ARL15: variants seen among roughly 807,000 people sequenced by gnomAD.
ARL15 encodes the protein ARF like GTPase 15.
Under a neutral mutation model 25.2 loss-of-function variants are expected in ARL15, and 19 were observed. The ratio of observed to expected loss-of-function variants is 0.75; its 90% CI spans 0.53 to 1.10. ARL15 has a LOEUF of 1.10. Ranked by LOEUF, ARL15 falls within the 50% of genes least tolerant of loss-of-function variation. The pLI, the probability that ARL15 is intolerant of heterozygous loss-of-function variation, is 0.00. For synonymous variants in ARL15, 94 were observed against 86.8 expected (o/e 1.08, Z -0.46); for missense variants, 220 against 246.0 (o/e 0.89, Z 0.71).
intron 4 of ARL15, among the ~76,000 whole-genome samples, chr5:53,986,267 T>C (rs1409601574): frequency 1.3e-5 from 2 of 152,150 alleles, no homozygotes; most frequent in African/African-American, 4.8e-5. Context: ...CAGGCAAGAT[T>C]TTAGAACAAA....
intron 2 of ARL15, among the ~76,000 whole-genome samples, chr5:54,162,417 A>T (rs1275953070): frequency 6.6e-6 from 1 of 152,102 alleles, no homozygotes; most frequent in Non-Finnish European, 1.5e-5. Context: ...ATTTCCCTGC[A>T]CATTTTTTCT....
chr5:54,279,092 A>G (rs1757990831), intron 1 of ARL15, among the ~76,000 whole-genome samples: 1 of 152,216 alleles, frequency 6.6e-6, no homozygotes, highest in Admixed American at 6.5e-5. Flanking sequence ...CAGCTCAACA[A>G]TCTAACACTA....
intron 4 of ARL15, among the ~76,000 whole-genome samples, chr5:54,025,436 T>C (rs150271961): frequency 2.4e-4 from 36 of 152,316 alleles, no homozygotes; most frequent in African/African-American, 8.4e-4. Flanking sequence ...AATTGGAACC[T>C]TGAATATAAG....
chr5:54,090,860 G>T (rs184239855), intron 4 of ARL15, among the ~76,000 whole-genome samples: 1 of 151,936 alleles, frequency 6.6e-6, no homozygotes. Context: ...AACCACAAGG[G>T]GCTATAACAA....
At chr5:54,214,737 T>C (rs538270985) in intron 1 of ARL15, among the ~76,000 whole-genome samples, 52 of 152,266 alleles carry the variant, frequency 3.4e-4, no homozygotes, top group African/African-American at 1.3e-3. Context: ...ATTGAGAACT[T>C]AAGAAGGTTT....
At chr5:54,203,101 A>G (rs1755766986) in intron 1 of ARL15, among the ~76,000 whole-genome samples, 1 of 152,038 alleles carries the variant, frequency 6.6e-6, no homozygotes, top group Admixed American at 6.6e-5. Context: ...TTCTCCTCAC[A>G]ACTTGGCCTC....
chr5:54,052,214 C>T (rs1234133775), intron 4 of ARL15, among the ~76,000 whole-genome samples: 2 of 151,896 alleles, frequency 1.3e-5, no homozygotes, highest in Admixed American at 6.6e-5. Flanking sequence ...AGATGTAAGA[C>T]ATTAAGTATT....
At chr5:54,250,382 A>G (rs1757208088) in intron 1 of ARL15, among the ~76,000 whole-genome samples, 1 of 152,210 alleles carries the variant, frequency 6.6e-6, no homozygotes, top group Non-Finnish European at 1.5e-5. Context: ...CTTCTGGCTA[A>G]GCAGGGAAAT....
At chr5:54,027,120 TTTAA>T (rs1250377547) in intron 4 of ARL15, among the ~76,000 whole-genome samples, 2 of 152,218 alleles carry the variant, frequency 1.3e-5, no homozygotes, top group Non-Finnish European at 2.9e-5. Flanking sequence ...TTTCTAAAAA[TTTAA>T]TTGACTGTCT....
Position 54,031,151 on chromosome 5 carries a change from C to T in ARL15, c.462+82051G>A, listed in dbSNP as rs549610353. Among the ~76,000 whole-genome samples the T allele has an allele frequency of 5.8e-4, 89 of 152,254 alleles. No homozygotes were observed. In the Middle Eastern group the frequency reaches 0.014, roughly 23 times the overall value. On this transcript the variant is annotated intron_variant, in intron 4 of 4. Transcript: ENST00000504924. ...AAAGATTTAAGCTTTATTATTGAGG[C>T]ACTCAAAATGAGAAAAAAGTTTGTG...
In ARL15 at chr5:54,148,195, A is replaced by G. The variant is rs1753965013; in HGVS notation, c.253+6385T>C. On this transcript the variant is annotated intron_variant, in intron 3 of 4. Coordinates refer to ENST00000504924, the MANE Select transcript of ARL15 (RefSeq NM_019087.3). ...GTGCCCCCTGGGTTGCCTGTCAAGA[A>G]GTGTGTCCTGTACAGTTTCTGGAGA... Among the ~76,000 whole-genome samples the G allele has an allele frequency of 4.6e-5, 7 of 152,334 alleles. No individual in the cohort carries two copies. In the South Asian group the frequency reaches 1.5e-3, roughly 32 times the overall value.
At chr5:54,279,244 A>G (rs1359764145) in intron 1 of ARL15, among the ~76,000 whole-genome samples, 1 of 120,442 alleles carries the variant, frequency 8.3e-6, no homozygotes. Flanking sequence ...TGTTATCTGC[A>G]ATTTACAAGA....
At chr5:54,048,564 T>G (rs1018492000) in intron 4 of ARL15, among the ~76,000 whole-genome samples, 1 of 128,654 alleles carries the variant, frequency 7.8e-6, no homozygotes, top group Non-Finnish European at 1.6e-5. Context: ...CCACCACACC[T>G]GGCTAATTTT....
chr5:54,250,270 C>T (rs1406587463), intron 1 of ARL15, among the ~76,000 whole-genome samples: 1 of 152,074 alleles, frequency 6.6e-6, no homozygotes, highest in Non-Finnish European at 1.5e-5. Flanking sequence ...AAGAAATCCA[C>T]CCCCACAATC....
intron 4 of ARL15, among the ~76,000 whole-genome samples, chr5:54,052,004 T>C (rs1339139490): frequency 6.6e-6 from 1 of 152,216 alleles, no homozygotes; most frequent in African/African-American, 2.4e-5. Context: ...GAATTTTGAA[T>C]GTATATTGCT....
chr5:53,974,159 ACTGT>A (rs1747849951), intron 4 of ARL15, among the ~76,000 whole-genome samples: 1 of 152,200 alleles, frequency 6.6e-6, no homozygotes, highest in Non-Finnish European at 1.5e-5. Flanking sequence ...TTAGCAAGCT[ACTGT>A]CATGTACCCA....
chr5:54,168,573 C>T (rs3797269), intron 2 of ARL15, among the ~76,000 whole-genome samples: 36,060 of 151,900 alleles, frequency 0.24, 4,483 homozygotes, highest in African/African-American at 0.3. Flanking sequence ...ACAGGTCTCC[C>T]CCAACAGCTT....
chr5:54,067,975 G>A (rs997028257), intron 4 of ARL15, among the ~76,000 whole-genome samples: 8 of 152,016 alleles, frequency 5.3e-5, no homozygotes, highest in African/African-American at 1.7e-4. Flanking sequence ...TTAATTATTT[G>A]TTTGTAGGTC....
At chr5:53,894,003 C>T (rs1188806076) in intron 4 of ARL15, among the ~76,000 whole-genome samples, 1 of 152,180 alleles carries the variant, frequency 6.6e-6, no homozygotes. Flanking sequence ...TTGCCACAGT[C>T]CCCAAAATAT....
Sources: gnomAD v4.1 joint callset for allele counts (sites outside exome capture counted in the v4.1 genomes callset) on GRCh38, gnomAD v4.1.1 for gene constraint, MANE v1.5 for transcripts, NCBI Gene and HGNC (gene_info 2026-07-23, HGNC 2026-07-21) for gene names.